WDPCP: variants seen among roughly 807,000 people sequenced by gnomAD.
The protein encoded by WDPCP is WD repeat-containing and planar cell polarity effector protein fritz homolog.
Under a neutral mutation model 93.1 loss-of-function variants are expected in WDPCP, and 71 were observed. That is an observed-to-expected ratio of 0.76 (90% CI 0.63 to 0.93). The LOEUF (loss-of-function observed/expected upper bound fraction) is 0.93. Among genes scored for constraint, WDPCP ranks in the 40% least tolerant of loss-of-function variants. WDPCP has a pLI of 0.00. For synonymous variants in WDPCP, 315 were observed against 315.0 expected, an observed-to-expected ratio of 1.00 and a Z score of 0.00; for missense variants, 844 against 887.4, an observed-to-expected ratio of 0.95 and a Z score of 0.62.
chr2:63,594,865 T>C, intron 3 of WDPCP: 2 of 317,414 alleles, frequency 6.3e-6, no homozygotes, highest in South Asian at 7.4e-5. Context: ...CTAATGACAG[T>C]AACTTACAGT....
At chr2:63,596,902 C>T (rs1175336730) in intron 3 of WDPCP, among the ~76,000 whole-genome samples, 1 of 152,176 alleles carries the variant, frequency 6.6e-6, no homozygotes, top group Non-Finnish European at 1.5e-5. Flanking sequence ...CTCAGTGTCT[C>T]CATCTATAAA....
At chr2:63,309,013 G>A (rs920882182) in intron 13 of WDPCP, among the ~76,000 whole-genome samples, 2 of 152,132 alleles carry the variant, frequency 1.3e-5, no homozygotes, top group African/African-American at 2.4e-5. Flanking sequence ...AGTAACTGAG[G>A]TAATCAAACA....
At chr2:63,271,138 C>A (rs775229640) in intron 13 of WDPCP, among the ~76,000 whole-genome samples, 3 of 152,198 alleles carry the variant, frequency 2.0e-5, no homozygotes, top group Non-Finnish European at 4.4e-5. Context: ...ACTGGGGAGG[C>A]TGCCTCTGGG....
chr2:63,751,009 C>T (rs1048476547), intron 2 of WDPCP, among the ~76,000 whole-genome samples: 1 of 151,912 alleles, frequency 6.6e-6, no homozygotes, highest in Non-Finnish European at 1.5e-5. Flanking sequence ...GAAAGTGTTC[C>T]CTCCTTCTGT....
upstream of WDPCP, among the ~76,000 whole-genome samples, chr2:63,828,715 GT>G (rs1427394909): frequency 6.6e-6 from 1 of 152,026 alleles, no homozygotes; most frequent in Non-Finnish European, 1.5e-5. Context: ...GGTTTTCTTT[GT>G]GACAATGATA....
intron 14 of WDPCP, among the ~76,000 whole-genome samples, chr2:63,224,381 A>G (rs542964346): frequency 1.4e-4 from 22 of 152,012 alleles, no homozygotes; most frequent in Admixed American, 1.1e-3. Context: ...CAATGCTTGC[A>G]CTCCTTGATA....
intron 2 of WDPCP, among the ~76,000 whole-genome samples, chr2:63,741,278 G>A (rs1489079932): frequency 6.6e-6 from 1 of 151,964 alleles, no homozygotes; most frequent in African/African-American, 2.4e-5. Context: ...ACTAGCTAGG[G>A]AGTCAGTCTC....
chr2:63,528,913 T>C (rs1053310851), intron 1 of WDPCP, among the ~76,000 whole-genome samples: 10 of 152,240 alleles, frequency 6.6e-5, no homozygotes, highest in Non-Finnish European at 1.3e-4. Flanking sequence ...GTAGTTCTCC[T>C]TGAAGAGGTT....
chr2:63,769,221 G>A (rs751230916), intron 2 of WDPCP, among the ~76,000 whole-genome samples: 48 of 151,918 alleles, frequency 3.2e-4, no homozygotes, highest in Non-Finnish European at 4.7e-4. Flanking sequence ...TATGTATTAT[G>A]TAGGACATAA....
At chr2:63,738,140 C>T (rs998051315) in intron 2 of WDPCP, among the ~76,000 whole-genome samples, 1 of 152,218 alleles carries the variant, frequency 6.6e-6, no homozygotes, top group East Asian at 1.9e-4. Context: ...TTTTCCCACA[C>T]CCCTCACCAG....
intron 13 of WDPCP, among the ~76,000 whole-genome samples, chr2:63,300,478 A>G (rs1049011127): frequency 1.3e-5 from 2 of 152,040 alleles, no homozygotes; most frequent in East Asian, 1.9e-4. Context: ...GCAAATGAAT[A>G]TTTCTTCTGG....
At chr2:63,765,186 G>C (rs1350248262) in intron 2 of WDPCP, among the ~76,000 whole-genome samples, 2 of 152,210 alleles carry the variant, frequency 1.3e-5, no homozygotes, top group African/African-American at 4.8e-5. Context: ...GGCAACGGCA[G>C]TGTTTAATGG....
At chr2:63,737,101 T>C (rs921864991) in intron 2 of WDPCP, among the ~76,000 whole-genome samples, 2 of 152,212 alleles carry the variant, frequency 1.3e-5, no homozygotes, top group Non-Finnish European at 2.9e-5. Flanking sequence ...AAAACAGTTC[T>C]CTTGGCTGCC....
chr2:63,262,209 G>A (rs767014480), intron 13 of WDPCP, among the ~76,000 whole-genome samples: 36 of 151,988 alleles, frequency 2.4e-4, no homozygotes, highest in Non-Finnish European at 4.7e-4. Flanking sequence ...CCTGTTTTCT[G>A]TTCTTTGATA....
chr2:63,472,676 C>T (rs1699763666), intron 6 of WDPCP, among the ~76,000 whole-genome samples: 1 of 152,108 alleles, frequency 6.6e-6, no homozygotes, highest in Admixed American at 6.5e-5. Context: ...GCAACCTTCG[C>T]CTCCTCCCGA....
chr2:63,347,184 G>T (rs1689249744), intron 12 of WDPCP, among the ~76,000 whole-genome samples: 1 of 152,136 alleles, frequency 6.6e-6, no homozygotes, highest in Non-Finnish European at 1.5e-5. Flanking sequence ...CAACAGCCCT[G>T]TTAAATTGGT....
At chr2:63,246,055 T>C (rs1401842384) in intron 14 of WDPCP, among the ~76,000 whole-genome samples, 1 of 152,168 alleles carries the variant, frequency 6.6e-6, no homozygotes, top group Non-Finnish European at 1.5e-5. Context: ...ATAATATTGA[T>C]GAAACATCAC....
intron 1 of WDPCP, among the ~76,000 whole-genome samples, chr2:63,585,847 T>C (rs1708814473): frequency 6.7e-6 from 1 of 149,894 alleles, no homozygotes. Context: ...TTTTTTTTTT[T>C]TTTTTTTGAG....
At chr2:63,541,267 C>CCAGCCTAAT (rs1704700084) in intron 1 of WDPCP, among the ~76,000 whole-genome samples, 1 of 152,130 alleles carries the variant, frequency 6.6e-6, no homozygotes, top group African/African-American at 2.4e-5. Flanking sequence ...GACACCATGC[C>CCAGCCTAAT]CAGCCTAATA....
Sources: allele counts gnomAD v4.1 joint callset (sites outside exome capture counted in the v4.1 genomes callset), GRCh38; gene constraint gnomAD v4.1.1; transcripts MANE v1.5; gene names NCBI Gene and HGNC (gene_info 2026-07-23, HGNC 2026-07-21).